The following ADGRL2 variants were observed in gnomAD, a reference collection of about 807,000 sequenced individuals.
ADGRL2 encodes the protein calcium-independent alpha-latrotoxin receptor 2.
ADGRL2 carries 44 observed loss-of-function variants against 157.4 expected under a neutral mutation model. The ratio of observed to expected loss-of-function variants is 0.28; its 90% CI spans 0.22 to 0.36. ADGRL2 has a LOEUF of 0.36. Ranked by LOEUF, ADGRL2 falls within the 10% of genes least tolerant of loss-of-function variation. The probability of loss-of-function intolerance (pLI) is 1.00; values close to 1 mark genes in which losing one functional copy is unlikely to be tolerated. For missense variants in ADGRL2, 1,510 were observed against 1,768.9 expected, an observed-to-expected ratio of 0.85 and a Z score of 2.63; for synonymous variants, 585 against 624.7, an observed-to-expected ratio of 0.94 and a Z score of 0.95.
At chr1:81,324,201 G>C (rs1305843368) in intron 1 of ADGRL2, among the ~76,000 whole-genome samples, 1 of 152,062 alleles carries the variant, frequency 6.6e-6, no homozygotes, top group East Asian at 1.9e-4. Flanking sequence ...ATGAGAAAGA[G>C]AGATTAAAAA....
intron 1 of ADGRL2, among the ~76,000 whole-genome samples, chr1:81,752,568 C>T (rs1026536316): frequency 3.3e-5 from 5 of 152,138 alleles, no homozygotes; most frequent in African/African-American, 1.2e-4. Context: ...ACAAGAGTCT[C>T]ACAGAGTGCA....
chr1:81,656,939 G>A (rs372829356), intron 3 of ADGRL2, among the ~76,000 whole-genome samples: 14 of 151,386 alleles, frequency 9.2e-5, no homozygotes, highest in African/African-American at 3.2e-4. Flanking sequence ...GAGCCTGGGA[G>A]GTCGAGGTTA....
At chr1:81,646,338 G>C (rs989038812) in intron 3 of ADGRL2, among the ~76,000 whole-genome samples, 2 of 152,148 alleles carry the variant, frequency 1.3e-5, no homozygotes, top group Admixed American at 1.3e-4. Context: ...GGACTAGGAG[G>C]TTTTCTCAAC....
intron 1 of ADGRL2, among the ~76,000 whole-genome samples, chr1:81,387,674 A>G (rs2076462039): frequency 6.6e-6 from 1 of 152,126 alleles, no homozygotes; most frequent in Non-Finnish European, 1.5e-5. Context: ...TTGTTAGATG[A>G]TAGGCACTGT....
intron 2 of ADGRL2, among the ~76,000 whole-genome samples, chr1:81,529,397 A>G (rs566506871): frequency 6.6e-6 from 1 of 152,368 alleles, no homozygotes; most frequent in South Asian, 2.1e-4. Flanking sequence ...AACGGACTGC[A>G]GAAAGAATAA....
In ADGRL2 at chr1:81,684,553, A is replaced by T. The variant is rs1294850048; in HGVS notation, c.-142-77258A>T. On this transcript the variant is annotated intron_variant, in intron 3 of 24. Transcript: ENST00000370721. ...TATTAGTCATTTGTCAGACATATAGATCGTGAAGATTTTCTCCCACTCTGT... is the reference window on the plus strand; with the variant it reads ...TATTAGTCATTTGTCAGACATATAGTTCGTGAAGATTTTCTCCCACTCTGT... 2.6e-5 allele frequency among the ~76,000 whole-genome samples: 4 copies of T among 152,236 alleles called. No individual in the cohort carries two copies. The East Asian group carries it at 7.7e-4, about 29-fold the overall frequency.
In ADGRL2 at chr1:81,694,257, A is replaced by C. The variant is rs185827452; in HGVS notation, c.-142-67554A>C. On this transcript the variant is annotated intron_variant, in intron 3 of 24. Coordinates refer to the ADGRL2 transcript ENST00000370721. ...GCAAAATAAAGGAGTAGGAATATAC[A>C]GTCTCCAGATTCTACCTGAATTCAA... 8.4e-4 allele frequency among the ~76,000 whole-genome samples: 128 copies of C among 152,304 alleles called. 1 individual carries two copies. Among genetic ancestry groups the C allele is most frequent in the African/African-American group, 3.0e-3 (124 of 41,572 alleles).
At chr1:81,687,137 T>C (rs1412269559) in intron 3 of ADGRL2, among the ~76,000 whole-genome samples, 2 of 152,202 alleles carry the variant, frequency 1.3e-5, no homozygotes. Context: ...ATGTTCTGTA[T>C]ATATCTGTTA....
At position 81,433,140 on chromosome 1, in the gene ADGRL2, T is replaced by C. The variant is rs188416886; in HGVS notation, c.-301-11896T>C. ...AGACAAGGGATGTAACATATTTGTA[T>C]GCCAAGAAATTTGATTTTGTTACAA... On this transcript the variant is annotated intron_variant, in intron 1 of 24. Coordinates refer to the ADGRL2 transcript ENST00000370721. Among the ~76,000 whole-genome samples the C allele has an allele frequency of 2.4e-3, 363 of 152,344 alleles. 1 individual carries two copies. The highest frequency in any genetic ancestry group is 7.5e-3 in the African/African-American group (310 of 41,584).
At chr1:81,427,615 A>G in intron 1 of ADGRL2, 1 of 659,874 alleles carries the variant, frequency 1.5e-6, no homozygotes, top group Non-Finnish European at 2.8e-6. Context: ...GGTTTTGAAA[A>G]CAGCAGAAAA....
At chr1:81,663,364 G>A (rs1451029813) in intron 3 of ADGRL2, among the ~76,000 whole-genome samples, 1 of 151,954 alleles carries the variant, frequency 6.6e-6, no homozygotes, top group Non-Finnish European at 1.5e-5. Flanking sequence ...CCCACCTCCC[G>A]GATCCATACA....
intron 3 of ADGRL2, among the ~76,000 whole-genome samples, chr1:81,617,760 G>A (rs1028493367): frequency 1.3e-5 from 2 of 152,196 alleles, no homozygotes; most frequent in Admixed American, 6.5e-5. Context: ...TCCATTGCAA[G>A]CGCCATTCCT....
chr1:81,505,496 G>C (rs1443639929), intron 2 of ADGRL2, among the ~76,000 whole-genome samples: 1 of 150,558 alleles, frequency 6.6e-6, no homozygotes, highest in Non-Finnish European at 1.5e-5. Flanking sequence ...TGGCCACACC[G>C]TTGGAGTGAA....
intron 2 of ADGRL2, chr1:81,502,553 G>A (rs139168792): frequency 6.2e-7 from 1 of 1,614,080 alleles, no homozygotes; most frequent in Non-Finnish European, 8.5e-7. Context: ...GCTGGTGACC[G>A]AGAAGGGGGG....
At chr1:81,901,587 T>A (rs1448882135) in intron 2 of ADGRL2, among the ~76,000 whole-genome samples, 4 of 147,430 alleles carry the variant, frequency 2.7e-5, no homozygotes, top group African/African-American at 9.9e-5. Context: ...TATATATTTT[T>A]TTTTTTGATG....
intron 2 of ADGRL2, among the ~76,000 whole-genome samples, chr1:81,854,272 C>T (rs1199116250): frequency 6.6e-6 from 1 of 152,192 alleles, no homozygotes; most frequent in Non-Finnish European, 1.5e-5. Flanking sequence ...TTTATCCTGT[C>T]AGCTTTGATT....
At chr1:81,941,928 G>A (rs1001327879) in intron 4 of ADGRL2, 106 bp from the exon 5 acceptor site, 5 of 590,454 alleles carry the variant, frequency 8.5e-6, no homozygotes, top group Non-Finnish European at 1.2e-5. Context: ...CCTATATTTA[G>A]CATCTGTTAC....
chr1:81,681,946 A>C (rs2083126024), intron 3 of ADGRL2, among the ~76,000 whole-genome samples: 1 of 152,236 alleles, frequency 6.6e-6, no homozygotes, highest in South Asian at 2.1e-4. Flanking sequence ...AAAATGAGCA[A>C]TGAATCCTAA....
At chr1:81,607,985 G>A (rs113566738) in intron 3 of ADGRL2, among the ~76,000 whole-genome samples, 1,795 of 152,178 alleles carry the variant, frequency 0.012, 29 homozygotes, top group African/African-American at 0.039. Flanking sequence ...TTACTAAAGC[G>A]AAACACCTTC....
Sources: gnomAD v4.1 joint callset for allele counts (sites outside exome capture counted in the v4.1 genomes callset) on GRCh38, gnomAD v4.1.1 for gene constraint, MANE v1.5 for transcripts, NCBI Gene and HGNC (gene_info 2026-07-23, HGNC 2026-07-21) for gene names.